GPR161: variants seen among roughly 807,000 people sequenced by gnomAD.
GPR161 encodes the protein G protein-coupled receptor 161.
In GPR161, 25 loss-of-function variants were observed where a neutral mutation model predicts 39.2. The observed-to-expected ratio is 0.64, with a 90% CI of 0.47 to 0.89. The LOEUF is 0.89. GPR161 is among the 40% of genes least tolerant of loss of function. The pLI is 0.00. For missense variants in GPR161, 547 were observed against 677.8 expected (o/e 0.81, Z 2.14); for synonymous variants, 286 against 276.6 (o/e 1.03, Z -0.34).
At chr1:168,094,467 A>G (rs1457205413) in intron 3 of GPR161, among the ~76,000 whole-genome samples, 2 of 152,180 alleles carry the variant, frequency 1.3e-5, no homozygotes, top group Non-Finnish European at 2.9e-5. Flanking sequence ...TCCTATGGTT[A>G]AAAGTCCCAG....
intron 1 of GPR161, among the ~76,000 whole-genome samples, chr1:168,111,289 C>T (rs1418431998): frequency 2.0e-5 from 3 of 152,198 alleles, no homozygotes; most frequent in Admixed American, 1.3e-4. Flanking sequence ...CCTCCAAGTG[C>T]CTCAGAGAAG....
At chr1:168,103,732 C>A (rs1696327351) in intron 2 of GPR161, among the ~76,000 whole-genome samples, 1 of 152,234 alleles carries the variant, frequency 6.6e-6, no homozygotes, top group African/African-American at 2.4e-5. Context: ...AATCTATCCT[C>A]CCTGTCCTCA....
intron 1 of GPR161, among the ~76,000 whole-genome samples, chr1:168,128,220 G>A (rs1698729291): frequency 6.6e-6 from 1 of 152,132 alleles, no homozygotes; most frequent in Non-Finnish European, 1.5e-5. Context: ...GAGGTTAGCT[G>A]GGGAGGGTCT....
chr1:168,085,699 G>C lies in GPR161; in HGVS notation c.1422C>G (p.Ala474=). 1 of 1,614,240 alleles carries C rather than the reference G, an allele frequency of 6.2e-7. No individual in the cohort carries two copies. The highest frequency in any genetic ancestry group is 8.5e-7 in the Non-Finnish European group (1 of 1,180,036). ...CCTCCTCCCCAAATAAGTTGATTTT[G>C]GCTTCGGCCTCAATGGCTTTGGCCA... ...ASLAKAIEAE[A]KINLFGEEAL... is the part of the protein sequence containing the mutation. The change falls in exon 6 of 6, where the codon GCC becomes GCG. Residue 474 remains alanine (A), a synonymous_variant. Transcript: ENST00000682931.
At chr1:168,086,101 T>A (rs1486328252) in intron 5 of GPR161, among the ~76,000 whole-genome samples, 1 of 152,264 alleles carries the variant, frequency 6.6e-6, no homozygotes, top group African/African-American at 2.4e-5. Flanking sequence ...ATGTTTGGCC[T>A]ATGTCTGGCC....
Position 168,136,762 on chromosome 1 carries a change from T to C in GPR161, c.-68A>G. 1.0e-6 allele frequency: 1 copy of C among 990,278 alleles called. No homozygotes were observed. The highest frequency in any genetic ancestry group is 1.2e-6 in the Non-Finnish European group (1 of 834,360). The allele number at this position is 990,278 out of a possible 1,614,324, so 61.3% of individuals were successfully genotyped here. A position where few individuals can be genotyped will look rare whatever the true frequency, so the allele number is the denominator to read the frequency against. ...ACCGAGGAGCGGCCGCCGCGGCAGC[T>C]CAGGCCCCGGCCCAGCCGCCTCCCC... On this transcript the variant is annotated 5_prime_UTR_variant, in exon 1 of 6. Coordinates refer to ENST00000682931, the MANE Select transcript of GPR161 (RefSeq NM_001375883.1).
chr1:168,110,774 A>C (rs1212014185), intron 1 of GPR161, among the ~76,000 whole-genome samples: 2 of 151,904 alleles, frequency 1.3e-5, no homozygotes, highest in African/African-American at 4.8e-5. Context: ...ACATACAAAA[A>C]TTGTCTGGGT....
At position 168,109,841 on chromosome 1, in the gene GPR161, C is replaced by T. The variant is rs968447676; in HGVS notation, c.-44-4947G>A. Among the ~76,000 whole-genome samples the T allele has an allele frequency of 3.3e-5, 5 of 152,216 alleles. No homozygotes were observed. The East Asian group carries it at 5.8e-4, about 18-fold the overall frequency. ...AATTAGCCAGGCATGGTGGCACACA[C>T]CTGTAGTCCCAGCTACTGGAGAGGC... is the stretch of plus-strand genomic sequence containing the variant. On this transcript the variant is annotated intron_variant, in intron 1 of 5. Coordinates refer to ENST00000682931, the MANE Select transcript of GPR161 (RefSeq NM_001375883.1).
rs144639460 is a variant in GPR161, at chr1:168,110,593, A to AAAAGAAAAG, written c.-44-5700_-44-5699insCTTTTCTTT. 9.7e-3 allele frequency among the ~76,000 whole-genome samples: 764 copies of AAAAGAAAAG among 78,740 alleles called. 39 individuals carry two copies. The highest frequency in any genetic ancestry group is 0.037 in the Middle Eastern group (5 of 136). 51.7% of individuals were successfully genotyped at this position (78,740 alleles called of 152,430 possible). Reference sequence around the variant, plus strand: ...AAAAGAAAAGAAAAGAAAAGAAAAGAAAAGAGACAATAAAACCAATACAAG... The same window carrying AAAAGAAAAG: ...AAAAGAAAAGAAAAGAAAAGAAAAGAAAAGAAAAGAAAGAGACAATAAAACCAATACAAG... On this transcript the variant is annotated intron_variant, in intron 1 of 5. Transcript: ENST00000682931.
chr1:168,134,734 T>G (rs911211458), intron 1 of GPR161, among the ~76,000 whole-genome samples: 1 of 152,214 alleles, frequency 6.6e-6, no homozygotes, highest in Non-Finnish European at 1.5e-5. Context: ...CCCCCAAAAC[T>G]AAGATCAGGC....
chr1:168,126,023 C>A (rs11805261), intron 1 of GPR161, among the ~76,000 whole-genome samples: 11,285 of 152,268 alleles, frequency 0.074, 517 homozygotes, highest in East Asian at 0.19. Context: ...AAATATACCC[C>A]CAGCTGTCTG....
At chr1:168,099,339 A>G (rs1447981642) in intron 2 of GPR161, among the ~76,000 whole-genome samples, 1 of 149,216 alleles carries the variant, frequency 6.7e-6, no homozygotes, top group African/African-American at 2.5e-5. Flanking sequence ...ACTTTTCAAA[A>G]GAAACAATGC....
At chr1:168,130,547 A>G (rs548453289) in intron 1 of GPR161, among the ~76,000 whole-genome samples, 3 of 152,354 alleles carry the variant, frequency 2.0e-5, no homozygotes, top group East Asian at 1.9e-4. Context: ...TTTTAATGAC[A>G]TGAGCCAATA....
chr1:168,086,083 T>C (rs1214372126), intron 5 of GPR161, among the ~76,000 whole-genome samples: 2 of 152,260 alleles, frequency 1.3e-5, no homozygotes, highest in Non-Finnish European at 2.9e-5. Flanking sequence ...GAGATAATTC[T>C]TTCTAAGATG....
At chr1:168,121,382 T>C (rs1208134757) in intron 1 of GPR161, among the ~76,000 whole-genome samples, 1 of 152,166 alleles carries the variant, frequency 6.6e-6, no homozygotes, top group Non-Finnish European at 1.5e-5. Flanking sequence ...AAGCACATAA[T>C]CCTAAGCAAA....
chr1:168,101,749 T>C (rs1028559025), intron 2 of GPR161, among the ~76,000 whole-genome samples: 8 of 152,158 alleles, frequency 5.3e-5, no homozygotes, highest in African/African-American at 1.9e-4. Context: ...GTGTAACATT[T>C]TATAGTTAAA....
At chr1:168,106,362 A>G (rs1184513802) in intron 1 of GPR161, among the ~76,000 whole-genome samples, 8 of 152,258 alleles carry the variant, frequency 5.3e-5, no homozygotes, top group Non-Finnish European at 5.9e-5. Context: ...CCATGTGGGC[A>G]GACTGCTTGA....
chr1:168,087,177 G>A (rs573123950), intron 5 of GPR161, among the ~76,000 whole-genome samples: 1 of 152,292 alleles, frequency 6.6e-6, no homozygotes, highest in African/African-American at 2.4e-5. Flanking sequence ...TAGGAGCGAC[G>A]GACAAGCAAG....
intron 1 of GPR161, among the ~76,000 whole-genome samples, chr1:168,108,018 T>C (rs2102184345): frequency 6.6e-6 from 1 of 152,296 alleles, no homozygotes; most frequent in African/African-American, 2.4e-5. Flanking sequence ...AAAGAAAAGA[T>C]GTTTATTTAG....
Sources: allele counts gnomAD v4.1 joint callset (sites outside exome capture counted in the v4.1 genomes callset), GRCh38; gene constraint gnomAD v4.1.1; transcripts MANE v1.5; gene names NCBI Gene and HGNC (gene_info 2026-07-23, HGNC 2026-07-21).